The following MDFIC variants were observed in gnomAD, a reference collection of about 807,000 sequenced individuals.
The protein encoded by MDFIC is myoD family inhibitor domain-containing protein.
MDFIC carries 17 observed loss-of-function variants against 23.2 expected under a neutral mutation model. That is an observed-to-expected ratio of 0.73 (90% CI 0.50 to 1.10). MDFIC has a LOEUF of 1.10. MDFIC is among the 50% of genes least tolerant of loss of function. MDFIC has a pLI of 0.00. For missense variants in MDFIC, 356 were observed against 316.6 expected, an observed-to-expected ratio of 1.12 and a Z score of -0.95; for synonymous variants, 120 against 115.2, an observed-to-expected ratio of 1.04 and a Z score of -0.27.
At chr7:114,999,270 G>T (rs1414432701) in intron 4 of MDFIC, among the ~76,000 whole-genome samples, 1 of 151,708 alleles carries the variant, frequency 6.6e-6, no homozygotes, top group Non-Finnish European at 1.5e-5. Context: ...GTGAGTTATG[G>T]GTACATAGCT....
At chr7:114,923,260 A>C in intron 2 of MDFIC, 133 bp downstream of exon 2, 1 of 1,299,664 alleles carries the variant, frequency 7.7e-7, no homozygotes, top group African/African-American at 1.5e-5. Flanking sequence ...ACTTTTGCAC[A>C]GTTCGCGTTA....
rs900805542 is a variant in MDFIC, at chr7:114,923,125, A to T, written c.92A>T (p.Gln31Leu). Reference protein sequence around the residue: ...AGGGQLGSTAQGKCDKDNTEK... With the variant: ...AGGGQLGSTALGKCDKDNTEK... ...GGCGGCCAGCTGGGCTCCACAGCCC[A>T]GGGTGAGTGCGCGCTTGCAAGTGGC... Residue 31 changes from glutamine to leucine, a missense_variant and splice_region_variant, in exon 2 of 5, where the codon CAG (glutamine) becomes CTG (leucine). Physicochemically the swap from Gln to Leu is moderately radical, Grantham distance 113 (BLOSUM62 -2). Transcript: ENST00000393486. 2.0e-6 allele frequency: 3 copies of T among 1,518,408 alleles called. No individual in the cohort carries two copies. Among genetic ancestry groups the T allele is most frequent in the South Asian group, 1.2e-5 (1 of 83,744 alleles). The allele number at this position is 1,518,408 out of a possible 1,614,324, so 94.1% of individuals were successfully genotyped here. A position where few individuals can be genotyped will look rare whatever the true frequency, so the allele number is the denominator to read the frequency against.
chr7:114,989,769 G>A lies in MDFIC; in HGVS notation c.493+9988G>A, dbSNP rs184191664. ...ATTGAATGATTTGGTACAAGGACAC[G>A]TAACCTTTGGTGACTAAAAAGCCTT... On this transcript the variant is annotated intron_variant, in intron 4 of 4. Transcript: ENST00000393486. 4.4e-3 allele frequency among the ~76,000 whole-genome samples: 675 copies of A among 152,232 alleles called. 2 individuals are homozygous for A. Among genetic ancestry groups the A allele is most frequent in the Non-Finnish European group, 5.9e-3 (404 of 68,004 alleles).
At chr7:114,991,816 T>C (rs1428670039) in intron 4 of MDFIC, among the ~76,000 whole-genome samples, 1 of 152,248 alleles carries the variant, frequency 6.6e-6, no homozygotes, top group Non-Finnish European at 1.5e-5. Context: ...TGGCTTAGGA[T>C]TGTATTGGCA....
chr7:114,981,504 T>C (rs1793416818), intron 4 of MDFIC, among the ~76,000 whole-genome samples: 2 of 152,218 alleles, frequency 1.3e-5, no homozygotes, highest in African/African-American at 4.8e-5. Flanking sequence ...CTTTTACTTT[T>C]TCTTTCTCTT....
chr7:115,012,379 GACGCCA>G, intron 4 of MDFIC, among the ~76,000 whole-genome samples: 1 of 152,236 alleles, frequency 6.6e-6, no homozygotes, highest in Middle Eastern at 3.4e-3. Flanking sequence ...ACCACCATGA[GACGCCA>G]TTTCACACAC....
At chr7:114,957,875 G>A (rs904006841) in intron 3 of MDFIC, among the ~76,000 whole-genome samples, 15 of 152,056 alleles carry the variant, frequency 9.9e-5, no homozygotes, top group African/African-American at 3.6e-4. Context: ...ACAACTTTTG[G>A]CACCATTATG....
At chr7:114,989,836 G>C (rs1793575070) in intron 4 of MDFIC, among the ~76,000 whole-genome samples, 1 of 152,130 alleles carries the variant, frequency 6.6e-6, no homozygotes, top group Admixed American at 6.5e-5. Flanking sequence ...AGCATTTATT[G>C]AGTTTGAATG....
At chr7:114,965,873 C>G (rs189001579) in intron 3 of MDFIC, among the ~76,000 whole-genome samples, 13 of 152,142 alleles carry the variant, frequency 8.5e-5, no homozygotes, top group African/African-American at 3.1e-4. Flanking sequence ...GACACTATTT[C>G]TTAGTTTTGC....
intron 3 of MDFIC, among the ~76,000 whole-genome samples, chr7:114,976,042 A>C (rs1259031572): frequency 6.6e-6 from 1 of 152,148 alleles, no homozygotes; most frequent in African/African-American, 2.4e-5. Flanking sequence ...ATGCGTGAGA[A>C]TATCACTCCA....
chr7:114,967,708 T>C (rs1040548209), intron 3 of MDFIC, among the ~76,000 whole-genome samples: 1 of 152,088 alleles, frequency 6.6e-6, no homozygotes, highest in African/African-American at 2.4e-5. Context: ...TGTATTTAAG[T>C]CGGTTTGCAG....
intron 2 of MDFIC, among the ~76,000 whole-genome samples, chr7:114,941,033 T>C (rs546055760): frequency 2.0e-5 from 3 of 152,308 alleles, no homozygotes; most frequent in Admixed American, 1.3e-4. Context: ...CCATACTCCA[T>C]TGGAATCATC....
intron 1 of MDFIC, 41 bp from the exon 2 acceptor site, chr7:114,922,886 A>G (rs759558442): frequency 3.6e-5 from 55 of 1,539,304 alleles, no homozygotes; most frequent in Non-Finnish European, 4.7e-5. Flanking sequence ...GCTCTTCTCT[A>G]AAAACATTTT....
intron 4 of MDFIC, among the ~76,000 whole-genome samples, chr7:114,988,180 T>C (rs941081276): frequency 6.6e-6 from 1 of 152,120 alleles, no homozygotes; most frequent in Non-Finnish European, 1.5e-5. Flanking sequence ...GCAAATTAAA[T>C]TAGCTCAGCA....
At chr7:114,988,582 G>A (rs1467590801) in intron 4 of MDFIC, among the ~76,000 whole-genome samples, 1 of 152,160 alleles carries the variant, frequency 6.6e-6, no homozygotes, top group Non-Finnish European at 1.5e-5. Context: ...ATTTGGAAGA[G>A]CAGTCAGATA....
At chr7:114,923,345 C>A in intron 2 of MDFIC, 1 of 1,231,292 alleles carries the variant, frequency 8.1e-7, no homozygotes, top group Non-Finnish European at 1.1e-6. Flanking sequence ...GGTCCCTCCA[C>A]TCCCCCTTCC....
chr7:114,990,324 C>T (rs910342567), intron 4 of MDFIC, among the ~76,000 whole-genome samples: 5 of 151,910 alleles, frequency 3.3e-5, no homozygotes, highest in Non-Finnish European at 5.9e-5. Flanking sequence ...AAACAGACAA[C>T]AAGATCCTGT....
In MDFIC at chr7:115,019,846, A is replaced by AT. The variant is rs1361529395; in HGVS notation, c.*3913dup. The stretch of plus-strand genomic sequence containing the variant: ...CTATTTATAGTTTTTATAATCAAGC[A>AT]TTGGGTATTAAAAGAGAATCCTTTC... On this transcript the variant is annotated 3_prime_UTR_variant, in exon 5 of 5. Transcript: ENST00000393486. Among the ~76,000 whole-genome samples the AT allele has an allele frequency of 6.6e-6, 1 of 152,174 alleles. No individual in the cohort carries two copies. The highest frequency in any genetic ancestry group is 1.5e-5 in the Non-Finnish European group (1 of 68,010).
At chr7:114,988,870 GA>G in intron 4 of MDFIC, among the ~76,000 whole-genome samples, 1 of 152,278 alleles carries the variant, frequency 6.6e-6, no homozygotes, top group African/African-American at 2.4e-5. Flanking sequence ...TATAAATCTG[GA>G]TGAGATTTTA....
Sources: allele counts gnomAD v4.1 joint callset (sites outside exome capture counted in the v4.1 genomes callset), GRCh38; gene constraint gnomAD v4.1.1; transcripts MANE v1.5; gene names NCBI Gene and HGNC (gene_info 2026-07-23, HGNC 2026-07-21).